The following PCCA variants were observed in gnomAD, a reference collection of about 807,000 sequenced individuals.
PCCA encodes propionyl-CoA carboxylase subunit alpha.
In PCCA, 74 loss-of-function variants were observed where a neutral mutation model predicts 101.3. The ratio of observed to expected loss-of-function variants is 0.73; its 90% CI spans 0.61 to 0.89. PCCA has a LOEUF of 0.89. PCCA is among the 40% of genes least tolerant of loss of function. The pLI is 0.00. For synonymous variants in PCCA, 294 were observed against 313.6 expected, an observed-to-expected ratio of 0.94 and a Z score of 0.66; for missense variants, 891 against 907.0, an observed-to-expected ratio of 0.98 and a Z score of 0.23.
intron 19 of PCCA, among the ~76,000 whole-genome samples, chr13:100,385,355 G>C (rs893291902): frequency 6.6e-6 from 1 of 152,142 alleles, no homozygotes; most frequent in Non-Finnish European, 1.5e-5. Flanking sequence ...AAAAACCAGA[G>C]AGAAAATTTG....
At chr13:100,175,648 T>C (rs1022850241) in intron 6 of PCCA, among the ~76,000 whole-genome samples, 4 of 152,224 alleles carry the variant, frequency 2.6e-5, no homozygotes, top group Admixed American at 1.3e-4. Flanking sequence ...GAGGCTGCCC[T>C]TGTTCAAGAG....
At chr13:100,434,044 A>G (rs372294458) in intron 20 of PCCA, among the ~76,000 whole-genome samples, 3 of 152,218 alleles carry the variant, frequency 2.0e-5, no homozygotes, top group Non-Finnish European at 2.9e-5. Context: ...AGCAAGGCCT[A>G]TGTTCAGATC....
At chr13:100,347,396 G>T (rs2072438731) in intron 18 of PCCA, among the ~76,000 whole-genome samples, 1 of 152,112 alleles carries the variant, frequency 6.6e-6, no homozygotes. Flanking sequence ...AAACTCTTAA[G>T]AGCAGGATAT....
chr13:100,376,290 T>C (rs552182645), intron 19 of PCCA, among the ~76,000 whole-genome samples: 1 of 152,310 alleles, frequency 6.6e-6, no homozygotes, highest in Admixed American at 6.5e-5. Context: ...TGTCAATCCC[T>C]GCGGGGGGGT....
At chr13:100,526,769 GT>G (rs1186208311) in intron 22 of PCCA, among the ~76,000 whole-genome samples, 1 of 152,274 alleles carries the variant, frequency 6.6e-6, no homozygotes, top group African/African-American at 2.4e-5. Context: ...GCGCAGCATG[GT>G]TTTCAGCTGC....
intron 22 of PCCA, 70 bp downstream of exon 22, chr13:100,515,637 C>T (rs540921177): frequency 1.2e-5 from 19 of 1,562,230 alleles, no homozygotes; most frequent in African/African-American, 5.4e-5. Flanking sequence ...CGACGGCTAA[C>T]GGCACAGCAC....
chr13:100,246,044 G>A (rs560568469), intron 8 of PCCA, among the ~76,000 whole-genome samples: 2 of 152,306 alleles, frequency 1.3e-5, no homozygotes, highest in Admixed American at 1.3e-4. Context: ...GTTCGGGCAA[G>A]AGGATTCAGC....
intron 16 of PCCA, among the ~76,000 whole-genome samples, chr13:100,325,884 C>T (rs2152725060): frequency 6.6e-6 from 1 of 152,274 alleles, no homozygotes; most frequent in East Asian, 1.9e-4. Context: ...CCACCCAGAA[C>T]ACATGTGTTT....
intron 21 of PCCA, among the ~76,000 whole-genome samples, chr13:100,482,931 T>A (rs567815633): frequency 2.6e-4 from 40 of 152,326 alleles, no homozygotes; most frequent in African/African-American, 9.6e-4. Context: ...ATACTATTTT[T>A]AAAGCTGTAT....
At chr13:100,327,875 T>C (rs2068877109) in intron 16 of PCCA, among the ~76,000 whole-genome samples, 2 of 152,234 alleles carry the variant, frequency 1.3e-5, no homozygotes, top group South Asian at 2.1e-4. Context: ...TTTTGTCTTA[T>C]AATTGTGTTG....
chr13:100,141,760 C>T (rs531491890), intron 4 of PCCA, among the ~76,000 whole-genome samples: 37 of 152,084 alleles, frequency 2.4e-4, no homozygotes, highest in Non-Finnish European at 2.5e-4. Context: ...CATACCAGAC[C>T]AAACTCCTGG....
intron 19 of PCCA, among the ~76,000 whole-genome samples, chr13:100,380,645 G>T (rs2076173479): frequency 6.6e-6 from 1 of 152,172 alleles, no homozygotes; most frequent in Non-Finnish European, 1.5e-5. Flanking sequence ...AAGGAATGAA[G>T]TAGAAACCCT....
intron 19 of PCCA, among the ~76,000 whole-genome samples, chr13:100,393,736 A>G (rs1314296025): frequency 6.6e-6 from 1 of 152,088 alleles, no homozygotes; most frequent in Non-Finnish European, 1.5e-5. Flanking sequence ...GTCTTAATTG[A>G]ACATCAAAAT....
At chr13:100,110,063 A>G (rs2048167240) in intron 2 of PCCA, among the ~76,000 whole-genome samples, 1 of 152,046 alleles carries the variant, frequency 6.6e-6, no homozygotes, top group South Asian at 2.1e-4. Flanking sequence ...AACCTGGGAG[A>G]CGGAGGTTAC....
intron 21 of PCCA, among the ~76,000 whole-genome samples, chr13:100,496,058 C>A (rs1327186984): frequency 1.3e-5 from 2 of 152,118 alleles, no homozygotes; most frequent in Non-Finnish European, 2.9e-5. Flanking sequence ...GCTAACAGTT[C>A]TTAAGTGTGT....
chr13:100,098,030 A>T (rs533516777), intron 1 of PCCA, among the ~76,000 whole-genome samples: 1 of 152,124 alleles, frequency 6.6e-6, no homozygotes, highest in African/African-American at 2.4e-5. Flanking sequence ...TCTCAAAAAA[A>T]AAAAGTACAA....
intron 20 of PCCA, among the ~76,000 whole-genome samples, chr13:100,443,738 G>A (rs2080555295): frequency 6.6e-6 from 1 of 151,732 alleles, no homozygotes; most frequent in Admixed American, 6.6e-5. Context: ...GTATTCCTGT[G>A]CCTTAGATTC....
chr13:100,309,990 A>ATATG, intron 16 of PCCA, 82 bp downstream of exon 16: 1 of 977,204 alleles, frequency 1.0e-6, no homozygotes, highest in Non-Finnish European at 1.7e-6. Flanking sequence ...ACCAATGAGA[A>ATATG]TATGGCACAG....
At chr13:100,256,447 G>C (rs2062080568) in intron 8 of PCCA, among the ~76,000 whole-genome samples, 2 of 152,180 alleles carry the variant, frequency 1.3e-5, no homozygotes, top group Admixed American at 1.3e-4. Context: ...CCCAGTGTAA[G>C]AGCATGTTCT....
Sources: allele counts gnomAD v4.1 joint callset (sites outside exome capture counted in the v4.1 genomes callset), GRCh38; gene constraint gnomAD v4.1.1; transcripts MANE v1.5; gene names NCBI Gene and HGNC (gene_info 2026-07-23, HGNC 2026-07-21).